DOCK10: variants seen among roughly 807,000 people sequenced by gnomAD.
DOCK10 encodes the protein dedicator of cytokinesis protein 10.
DOCK10 carries 145 observed loss-of-function variants against 280.1 expected under a neutral mutation model. That is an observed-to-expected ratio of 0.52 (90% CI 0.45 to 0.59). The LOEUF is 0.59. Ranked by LOEUF, DOCK10 falls within the 20% of genes least tolerant of loss-of-function variation. DOCK10 has a pLI of 0.00. For synonymous variants in DOCK10, 915 were observed against 942.2 expected, an observed-to-expected ratio of 0.97 and a Z score of 0.53; for missense variants, 2,368 against 2,651.7, an observed-to-expected ratio of 0.89 and a Z score of 2.35.
intron 1 of DOCK10, among the ~76,000 whole-genome samples, chr2:225,020,559 C>G (rs748814513): frequency 6.6e-6 from 1 of 152,134 alleles, no homozygotes; most frequent in Non-Finnish European, 1.5e-5. Context: ...ATTGCTATGA[C>G]GTATTCTAAA....
rs373161757 is a variant in DOCK10, at chr2:224,888,563, C to CTG, written c.417-2034_417-2033dup. ...GGTTTCAATGTATATGTGTGTTTGT[C>CTG]TGTGTGTGTATGTATATACGTGTGT... On this transcript the variant is annotated intron_variant, in intron 4 of 55. Coordinates refer to ENST00000258390, the MANE Select transcript of DOCK10 (RefSeq NM_014689.3). Among the ~76,000 whole-genome samples, 41 of 148,118 alleles carry CTG rather than the reference C, an allele frequency of 2.8e-4. 1 individual carries two copies. In the East Asian group the frequency reaches 8.0e-3, roughly 29 times the overall value.
chr2:224,865,220 C>G (rs374065788), intron 11 of DOCK10, 133 bp from the exon 12 acceptor site: 1 of 779,128 alleles, frequency 1.3e-6, no homozygotes, highest in Non-Finnish European at 2.0e-6. Flanking sequence ...CTCAGTGACC[C>G]GGAATCCTGT....
At chr2:224,806,039 A>G in intron 34 of DOCK10, 87 bp downstream of exon 34, 1 of 742,964 alleles carries the variant, frequency 1.3e-6, no homozygotes, top group South Asian at 1.9e-5. Context: ...TGCATAATAA[A>G]TTACGGACTG....
intron 48 of DOCK10, among the ~76,000 whole-genome samples, chr2:224,787,866 C>G (rs574407440): frequency 6.6e-6 from 1 of 152,190 alleles, no homozygotes; most frequent in African/African-American, 2.4e-5. Flanking sequence ...CAACCTCCCT[C>G]TCAGTGACCC....
In DOCK10 at chr2:224,844,607, GC is replaced by G. The variant is rs1696205382; in HGVS notation, c.2568+145del. 1.1e-5 allele frequency: 7 copies of G among 624,834 alleles called. No homozygotes were observed. The Admixed American group carries it at 1.9e-4, about 17-fold the overall frequency. The allele number at this position is 624,834 out of a possible 1,614,324, so 38.7% of individuals were successfully genotyped here. A position where few individuals can be genotyped will look rare whatever the true frequency, so the allele number is the denominator to read the frequency against. On this transcript the variant is annotated intron_variant, in intron 22 of 55. Transcript: ENST00000258390. ...TGTCTTGAGGGAGGCATCAAATTAT[GC>G]CCTTAACATTCTTCCTTTGTAGTAT...
At chr2:224,915,167 C>A (rs148927906) in intron 3 of DOCK10, among the ~76,000 whole-genome samples, 1 of 152,272 alleles carries the variant, frequency 6.6e-6, no homozygotes, top group South Asian at 2.1e-4. Flanking sequence ...ATGTCAAATC[C>A]TGCCTAAGTT....
chr2:224,980,238 C>G (rs1705674999), intron 1 of DOCK10, among the ~76,000 whole-genome samples: 1 of 152,152 alleles, frequency 6.6e-6, no homozygotes, highest in Non-Finnish European at 1.5e-5. Context: ...CCACTCCACA[C>G]CTTCTCAAAC....
chr2:224,821,140 C>T (rs1694479067), intron 28 of DOCK10, among the ~76,000 whole-genome samples: 1 of 152,224 alleles, frequency 6.6e-6, no homozygotes, highest in Admixed American at 6.5e-5. Context: ...AAAAATATTA[C>T]TTTCCCATAA....
intron 1 of DOCK10, among the ~76,000 whole-genome samples, chr2:225,039,715 T>A (rs1690364537): frequency 6.6e-6 from 1 of 150,780 alleles, no homozygotes; most frequent in Admixed American, 6.6e-5. Context: ...TCTCTCTCTG[T>A]ATACACACCC....
At position 224,952,152 on chromosome 2, in the gene DOCK10, T is replaced by C. The variant is rs150165509; in HGVS notation, c.124-20484A>G. Among the ~76,000 whole-genome samples the C allele has an allele frequency of 1.8e-3, 279 of 152,294 alleles. 2 individuals are homozygous for C. The highest frequency in any genetic ancestry group is 3.2e-3 in the Non-Finnish European group (218 of 68,022). ...TCAACCTTAATTTATGACTGCAAAG[T>C]CCCTTCACAGCTGTACGAAAATTCA... On this transcript the variant is annotated intron_variant, in intron 1 of 55. Transcript: ENST00000258390.
intron 52 of DOCK10, among the ~76,000 whole-genome samples, chr2:224,774,344 G>A (rs1690672319): frequency 6.6e-6 from 1 of 152,172 alleles, no homozygotes; most frequent in Admixed American, 6.5e-5. Context: ...CACCTTGAGG[G>A]CAAGAATCAT....
chr2:224,874,307 T>C lies in DOCK10; in HGVS notation c.1060A>G (p.Met354Val), dbSNP rs776604087. Residue 354 changes from methionine to valine, a missense_variant, in exon 10 of 56, where the codon ATG (methionine) becomes GTG (valine). Physicochemically the swap from Met to Val is conservative, Grantham distance 21. This residue lies in a region of DOCK10 where 1,209 missense variants were observed against 1,250.9 expected (regional missense o/e 0.97). Coordinates refer to ENST00000258390, the MANE Select transcript of DOCK10 (RefSeq NM_014689.3). ...AGAGAGAACAGATTTAGCCTCTCCA[T>C]GTTTCGAGTTGTTTTTACAGTATCT... ...TEDTVKTTRN[M>V]ERLNLFSLDP... 5 of 1,613,238 alleles carry C rather than the reference T, an allele frequency of 3.1e-6. No individual in the cohort carries two copies. Among genetic ancestry groups the C allele is most frequent in the Non-Finnish European group, 4.2e-6 (5 of 1,179,608 alleles).
intron 25 of DOCK10, among the ~76,000 whole-genome samples, chr2:224,835,512 A>G (rs1488351274): frequency 6.6e-6 from 1 of 152,248 alleles, no homozygotes; most frequent in Non-Finnish European, 1.5e-5. Context: ...TGGTGTTTAG[A>G]TAACTTCTAA....
chr2:224,937,132 T>A (rs1216936612), intron 1 of DOCK10, among the ~76,000 whole-genome samples: 5 of 152,164 alleles, frequency 3.3e-5, no homozygotes, highest in Admixed American at 3.3e-4. Flanking sequence ...TAGGGAACCA[T>A]CAACATCTGG....
chr2:224,865,149 G>T, intron 11 of DOCK10, 62 bp from the exon 12 acceptor site: 13 of 1,475,058 alleles, frequency 8.8e-6, no homozygotes, highest in Non-Finnish European at 1.2e-5. Context: ...AGACAGCCTC[G>T]TTAGTACATC....
chr2:224,853,033 C>G lies in DOCK10; in HGVS notation c.1978G>C (p.Asp660His). Residue 660 changes from aspartate to histidine, a missense_variant, in exon 17 of 56, where the codon GAT becomes CAT. Transcript: ENST00000258390. ...TAAGGCCGACAATACTTTGTTGAAT[C>G]GTAAACAAATTCTTCCACCTCCACT... ...PTVEVEEFVY[D>H]STKYCRPYRV... 6.2e-7 allele frequency: 1 copy of G among 1,611,798 alleles called. No homozygotes were observed. Among genetic ancestry groups the G allele is most frequent in the Non-Finnish European group, 8.5e-7 (1 of 1,178,430 alleles).
At chr2:224,908,513 G>A (rs552456410) in intron 3 of DOCK10, among the ~76,000 whole-genome samples, 1 of 150,138 alleles carries the variant, frequency 6.7e-6, no homozygotes, top group East Asian at 2.0e-4. Flanking sequence ...ATTTTTCTAC[G>A]GACAGAGTCT....
At chr2:225,040,666 CTG>C (rs1156548550) in intron 1 of DOCK10, among the ~76,000 whole-genome samples, 4 of 152,044 alleles carry the variant, frequency 2.6e-5, no homozygotes, top group Admixed American at 6.6e-5. Flanking sequence ...CAATTGAACG[CTG>C]TGTGTTTCCA....
chr2:224,907,687 CA>C (rs71062965), intron 3 of DOCK10, among the ~76,000 whole-genome samples: 19,551 of 123,244 alleles, frequency 0.16, 3,763 homozygotes, highest in African/African-American at 0.49. Flanking sequence ...GACTCCACCT[CA>C]AAAAAAAAAA....
Sources: allele counts gnomAD v4.1 joint callset (sites outside exome capture counted in the v4.1 genomes callset), GRCh38; gene constraint gnomAD v4.1.1; regional missense constraint gnomAD v4.1.1; transcripts MANE v1.5; gene names NCBI Gene and HGNC (gene_info 2026-07-23, HGNC 2026-07-21).